DLGAP1: variants seen among roughly 807,000 people sequenced by gnomAD.
DLGAP1 encodes the protein disks large-associated protein 1.
In DLGAP1, 11 loss-of-function variants were observed where a neutral mutation model predicts 90.8. That is an observed-to-expected ratio of 0.12 (90% CI 0.08 to 0.20). The LOEUF (loss-of-function observed/expected upper bound fraction) is 0.20, where lower values mean the gene tolerates loss of function less well. Ranked by LOEUF, DLGAP1 falls within the 10% of genes least tolerant of loss-of-function variation. The probability of loss-of-function intolerance (pLI) is 1.00; values close to 1 mark genes in which losing one functional copy is unlikely to be tolerated. For synonymous variants in DLGAP1, 558 were observed against 540.7 expected (o/e 1.03, Z -0.44); for missense variants, 1,050 against 1,333.8 (o/e 0.79, Z 3.31).
intron 7 of DLGAP1, among the ~76,000 whole-genome samples, chr18:3,621,244 T>C (rs907003013): frequency 6.6e-6 from 1 of 152,134 alleles, no homozygotes. Flanking sequence ...AAGGATCCTA[T>C]ACAAGATTTC....
intron 1 of DLGAP1, among the ~76,000 whole-genome samples, chr18:4,426,596 C>T (rs2083162140): frequency 1.3e-5 from 2 of 152,206 alleles, no homozygotes; most frequent in Non-Finnish European, 2.9e-5. Flanking sequence ...AAGTTACTCC[C>T]TGTATGACTA....
chr18:4,195,718 AT>A (rs2077485075), intron 1 of DLGAP1, among the ~76,000 whole-genome samples: 1 of 151,912 alleles, frequency 6.6e-6, no homozygotes, highest in South Asian at 2.1e-4. Flanking sequence ...CACCTGGCTA[AT>A]TTTTTGTATT....
intron 1 of DLGAP1, among the ~76,000 whole-genome samples, chr18:4,413,495 G>C (rs2082826791): frequency 6.6e-6 from 1 of 152,088 alleles, no homozygotes; most frequent in Non-Finnish European, 1.5e-5. Flanking sequence ...TCCTCCTTCT[G>C]ACAGAACCTC....
intron 1 of DLGAP1, among the ~76,000 whole-genome samples, chr18:4,240,110 C>A (rs537755257): frequency 1.6e-4 from 25 of 152,138 alleles, no homozygotes; most frequent in Non-Finnish European, 2.4e-4. Flanking sequence ...TACTGAAATG[C>A]AAACTGGTTT....
At chr18:4,272,031 T>C (rs539295564) in intron 1 of DLGAP1, among the ~76,000 whole-genome samples, 1 of 152,312 alleles carries the variant, frequency 6.6e-6, no homozygotes, top group East Asian at 1.9e-4. Context: ...TTTTTTTCTT[T>C]CATGACTGTA....
intron 1 of DLGAP1, among the ~76,000 whole-genome samples, chr18:4,296,859 T>C (rs2079994580): frequency 6.6e-6 from 1 of 152,188 alleles, no homozygotes; most frequent in African/African-American, 2.4e-5. Context: ...AGCTCTCCTA[T>C]GCCTGGAAAA....
intron 7 of DLGAP1, among the ~76,000 whole-genome samples, chr18:3,627,702 C>CCAGGCTGCAGTGCAGTGATGTAAT (rs2058347785): frequency 6.6e-6 from 1 of 151,900 alleles, no homozygotes; most frequent in Non-Finnish European, 1.5e-5. Context: ...CCTCTGTTGC[C>CCAGGCTGCAGTGCAGTGATGTAAT]CAGGCTGCAG....
rs78995187 is a variant in DLGAP1 at position 3,817,459 on chromosome 18, C to A, written c.958-3186G>T. On this transcript the variant is annotated intron_variant, in intron 4 of 12. Coordinates refer to ENST00000315677, the MANE Select transcript of DLGAP1 (RefSeq NM_004746.4). Reference sequence around the variant, plus strand: ...TTGGAGTGGAATTTGAATAGTAATACATTATTTATATACCTAAAGGTAGCA... The same window carrying A: ...TTGGAGTGGAATTTGAATAGTAATAAATTATTTATATACCTAAAGGTAGCA... 9.2e-5 allele frequency among the ~76,000 whole-genome samples: 14 copies of A among 152,148 alleles called. No homozygotes were observed. The East Asian group carries it at 2.7e-3, about 29-fold the overall frequency.
At chr18:4,353,052 G>A (rs2081433586) in intron 1 of DLGAP1, among the ~76,000 whole-genome samples, 1 of 152,084 alleles carries the variant, frequency 6.6e-6, no homozygotes, top group African/African-American at 2.4e-5. Context: ...GCCCGCATTT[G>A]GGCAACAACC....
intron 3 of DLGAP1, among the ~76,000 whole-genome samples, chr18:3,914,633 C>G (rs1249864524): frequency 1.3e-5 from 2 of 152,138 alleles, no homozygotes; most frequent in Non-Finnish European, 2.9e-5. Flanking sequence ...TTTTGAGGAA[C>G]TCCTATATGA....
intron 1 of DLGAP1, among the ~76,000 whole-genome samples, chr18:4,258,712 C>T (rs986168934): frequency 1.3e-5 from 2 of 152,028 alleles, no homozygotes; most frequent in African/African-American, 4.8e-5. Context: ...CTTAACTGAT[C>T]ATCGTTCATT....
At chr18:3,860,073 T>C (rs2069936703) in intron 4 of DLGAP1, among the ~76,000 whole-genome samples, 1 of 120,806 alleles carries the variant, frequency 8.3e-6, no homozygotes, top group Non-Finnish European at 1.9e-5. Context: ...CACTCCAGCC[T>C]GGGCGACAGA....
intron 7 of DLGAP1, among the ~76,000 whole-genome samples, chr18:3,624,142 A>C (rs917535190): frequency 6.6e-6 from 1 of 152,088 alleles, no homozygotes; most frequent in Admixed American, 6.5e-5. Context: ...CCTCTGCTCC[A>C]CCTTTCTCAT....
At chr18:4,228,306 A>AG (rs2078233711) in intron 1 of DLGAP1, among the ~76,000 whole-genome samples, 1 of 152,026 alleles carries the variant, frequency 6.6e-6, no homozygotes, top group African/African-American at 2.4e-5. Flanking sequence ...GTTCTAAAAA[A>AG]CAGAGGAGGA....
intron 7 of DLGAP1, among the ~76,000 whole-genome samples, chr18:3,584,858 C>T (rs2055781198): frequency 6.6e-6 from 1 of 152,138 alleles, no homozygotes; most frequent in South Asian, 2.1e-4. Context: ...CTCAAGCAAT[C>T]CTCCCACTTC....
chr18:3,940,117 C>T (rs2072736392), intron 3 of DLGAP1, among the ~76,000 whole-genome samples: 1 of 152,136 alleles, frequency 6.6e-6, no homozygotes. Flanking sequence ...TGAAGGAAGC[C>T]AGCAGCCATG....
intron 8 of DLGAP1, 95 bp from the exon 9 acceptor site, chr18:3,567,676 C>A: frequency 9.0e-7 from 1 of 1,110,188 alleles, no homozygotes; most frequent in South Asian, 1.3e-5. Flanking sequence ...TCTAATATGA[C>A]TGGAATGTTT....
chr18:3,763,218 A>G (rs930288810), intron 5 of DLGAP1, among the ~76,000 whole-genome samples: 2 of 152,184 alleles, frequency 1.3e-5, no homozygotes, highest in African/African-American at 4.8e-5. Context: ...GAAAGACTAG[A>G]CTGGCTAAGT....
At chr18:3,904,001 G>A (rs1273545651) in intron 3 of DLGAP1, among the ~76,000 whole-genome samples, 1 of 152,172 alleles carries the variant, frequency 6.6e-6, no homozygotes, top group Non-Finnish European at 1.5e-5. Context: ...CTTTCGTAAG[G>A]AAACATCATT....
Sources: allele counts gnomAD v4.1 joint callset (sites outside exome capture counted in the v4.1 genomes callset), GRCh38; gene constraint gnomAD v4.1.1; transcripts MANE v1.5; gene names NCBI Gene and HGNC (gene_info 2026-07-23, HGNC 2026-07-21).